FOXN3: variants seen among roughly 807,000 people sequenced by gnomAD.
FOXN3 encodes the protein forkhead box N3, also known as forkhead box protein N3.
Under a neutral mutation model 38.4 loss-of-function variants are expected in FOXN3, and 7 were observed. The observed-to-expected ratio is 0.18, with a 90% CI of 0.10 to 0.34. The LOEUF (loss-of-function observed/expected upper bound fraction) is 0.34, where lower values mean the gene tolerates loss of function less well. Among genes scored for constraint, FOXN3 ranks in the 10% least tolerant of loss-of-function variants. The probability of loss-of-function intolerance (pLI) is 1.00; values close to 1 mark genes in which losing one functional copy is unlikely to be tolerated. For synonymous variants in FOXN3, 230 were observed against 242.2 expected, an observed-to-expected ratio of 0.95 and a Z score of 0.47; for missense variants, 456 against 613.4, an observed-to-expected ratio of 0.74 and a Z score of 2.71.
At chr14:89,566,303 ATT>A (rs35665987) in intron 1 of FOXN3, among the ~76,000 whole-genome samples, 4 of 151,496 alleles carry the variant, frequency 2.6e-5, no homozygotes, top group Non-Finnish European at 5.9e-5. Context: ...ATTTAATCAG[ATT>A]TTTTTTTTCT....
intron 1 of FOXN3, among the ~76,000 whole-genome samples, chr14:89,568,063 A>T (rs1385865001): frequency 6.6e-6 from 1 of 151,808 alleles, no homozygotes; most frequent in Non-Finnish European, 1.5e-5. Flanking sequence ...CTTCTCCCCA[A>T]AACCTATCCT....
intron 1 of FOXN3, among the ~76,000 whole-genome samples, chr14:89,498,911 A>G (rs976971493): frequency 1.3e-5 from 2 of 152,158 alleles, no homozygotes; most frequent in African/African-American, 4.8e-5. Context: ...GCTTTTCAAA[A>G]TGGATTGTAT....
intron 1 of FOXN3, among the ~76,000 whole-genome samples, chr14:89,456,540 G>A (rs1397132492): frequency 6.6e-6 from 1 of 152,192 alleles, no homozygotes. Context: ...GATTGCTTGA[G>A]ACCAAGAGTT....
chr14:89,472,969 G>A (rs1893137032), intron 1 of FOXN3, among the ~76,000 whole-genome samples: 1 of 152,052 alleles, frequency 6.6e-6, no homozygotes, highest in East Asian at 1.9e-4. Context: ...AGTAAAACCT[G>A]CTCCAAATGC....
At chr14:89,570,933 C>A (rs1233462217) in intron 1 of FOXN3, among the ~76,000 whole-genome samples, 2 of 152,066 alleles carry the variant, frequency 1.3e-5, no homozygotes, top group Non-Finnish European at 2.9e-5. Context: ...ATAAAAGTAA[C>A]CATTTCTAGA....
chr14:89,182,266 G>A (rs1456105029), intron 4 of FOXN3, among the ~76,000 whole-genome samples: 1 of 152,178 alleles, frequency 6.6e-6, no homozygotes, highest in Non-Finnish European at 1.5e-5. Context: ...TAGGATGAAT[G>A]TCCACTATTG....
At chr14:89,210,029 A>G (rs1888480345) in intron 4 of FOXN3, among the ~76,000 whole-genome samples, 2 of 152,230 alleles carry the variant, frequency 1.3e-5, no homozygotes, top group South Asian at 4.1e-4. Flanking sequence ...CTACACAAGT[A>G]TTTTGCAAAA....
rs1309344887 is a variant in FOXN3, at chr14:89,511,203, T to TTTCTTTTC, written c.-14-98714_-14-98713insGAAAAGAA. 3.3e-4 allele frequency among the ~76,000 whole-genome samples: 5 copies of TTTCTTTTC among 14,976 alleles called. 2 individuals carry two copies. The highest frequency in any genetic ancestry group is 3.3e-3 in the Admixed American group (2 of 600). The allele number at this position is 14,976 out of a possible 152,430, so 9.8% of individuals were successfully genotyped here. ...TTTCTTTCTTTCTTTTCTTTCTTTC[T>TTTCTTTTC]TTTCTTTCTTTCTTTCTTTCTTTCT... On this transcript the variant is annotated intron_variant, in intron 1 of 6. Coordinates refer to the FOXN3 transcript ENST00000345097.
At chr14:89,616,817 C>T (rs1160210432) in intron 1 of FOXN3, among the ~76,000 whole-genome samples, 3 of 152,204 alleles carry the variant, frequency 2.0e-5, no homozygotes, top group East Asian at 3.8e-4. Flanking sequence ...AGCCTGGGGG[C>T]TCATCCTTAG....
intron 1 of FOXN3, among the ~76,000 whole-genome samples, chr14:89,439,887 G>A (rs1222146733): frequency 4.0e-5 from 6 of 151,544 alleles, no homozygotes; most frequent in East Asian, 2.0e-4. Context: ...ATCTCCTGAC[G>A]TCGTGATCCA....
chr14:89,533,068 T>C (rs1441607292), intron 1 of FOXN3, among the ~76,000 whole-genome samples: 2 of 152,172 alleles, frequency 1.3e-5, no homozygotes, highest in South Asian at 2.1e-4. Context: ...ATAAAAAGTA[T>C]ATAAAAATTA....
rs754344725 is a variant in FOXN3, at chr14:89,162,609, C to G, written c.1212G>C (p.Lys404Asn). ...GTGTGTCGCTGGGGACCTTCCTGGCCTTGGCGAAGTGCTGGCGCTTCTTGT... is the reference window on the plus strand; with the variant it reads ...GTGTGTCGCTGGGGACCTTCCTGGCGTTGGCGAAGTGCTGGCGCTTCTTGT... ...SQHKKRQHFA[K>N]ARKVPSDTLP... is the part of the protein sequence containing the mutation. Residue 404 changes from lysine (K) to asparagine (N), a missense_variant, in exon 6 of 6, where the codon AAG becomes AAC. Coordinates refer to ENST00000557258, the MANE Select transcript of FOXN3 (RefSeq NM_005197.4). The surrounding 1 kb of genome is among the most constrained non-coding windows in gnomAD (Gnocchi z 7.2). 1 of 1,613,900 alleles carries G rather than the reference C, an allele frequency of 6.2e-7. No individual in the cohort carries two copies. Among genetic ancestry groups the G allele is most frequent in the South Asian group, 1.1e-5 (1 of 91,054 alleles).
At chr14:89,511,643 C>A (rs1027365094) in intron 1 of FOXN3, among the ~76,000 whole-genome samples, 1 of 152,096 alleles carries the variant, frequency 6.6e-6, no homozygotes, top group African/African-American at 2.4e-5. Flanking sequence ...CCTGAATTAA[C>A]CTGTGCTCAG....
At chr14:89,459,562 T>C (rs1892795785) in intron 1 of FOXN3, among the ~76,000 whole-genome samples, 1 of 152,152 alleles carries the variant, frequency 6.6e-6, no homozygotes, top group African/African-American at 2.4e-5. Context: ...CTCAGCCCCG[T>C]CTAGGCAGCT....
At chr14:89,303,802 G>A (rs187113655) in intron 3 of FOXN3, among the ~76,000 whole-genome samples, 1 of 152,336 alleles carries the variant, frequency 6.6e-6, no homozygotes, top group Admixed American at 6.5e-5. Flanking sequence ...TCTCAGAACA[G>A]ACATTGAGGA....
In FOXN3 at chr14:89,412,483, G is replaced by T; in HGVS notation, c.-7C>A. 1 of 1,589,152 alleles carries T rather than the reference G, an allele frequency of 6.3e-7. No homozygotes were observed. The highest frequency in any genetic ancestry group is 8.6e-7 in the Non-Finnish European group (1 of 1,166,334). On this transcript the variant is annotated 5_prime_UTR_variant, in exon 2 of 6. It introduces an in-frame stop codon into an upstream open reading frame of the 5' UTR. Transcript: ENST00000557258. The surrounding 1 kb of genome is among the most constrained non-coding windows in gnomAD (Gnocchi z 4.7). ...GAGGCATGACTGGACCCATTTACGT[G>T]AAGGCTCCTAGTAAAGACATCACAA...
intron 2 of FOXN3, among the ~76,000 whole-genome samples, chr14:89,408,326 C>T (rs578037176): frequency 1.3e-5 from 2 of 151,738 alleles, no homozygotes; most frequent in South Asian, 4.2e-4. Context: ...GGCTGTATCT[C>T]GGCTCACTGC....
chr14:89,462,492 T>C (rs563188749), intron 1 of FOXN3, among the ~76,000 whole-genome samples: 5 of 152,092 alleles, frequency 3.3e-5, no homozygotes, highest in Admixed American at 6.5e-5. Context: ...AACTGAATCA[T>C]TTATAAAGAA....
chr14:89,347,652 CT>C (rs1165202011), intron 3 of FOXN3, among the ~76,000 whole-genome samples: 1 of 152,202 alleles, frequency 6.6e-6, no homozygotes, highest in Non-Finnish European at 1.5e-5. Flanking sequence ...CAAAAGGGCA[CT>C]TTAGAAAACA....
Sources: allele counts gnomAD v4.1 joint callset (sites outside exome capture counted in the v4.1 genomes callset), GRCh38; gene constraint gnomAD v4.1.1; non-coding constraint Gnocchi (gnomAD v3.1); transcripts MANE v1.5; gene names NCBI Gene and HGNC (gene_info 2026-07-23, HGNC 2026-07-21).